The following CACNA1I variants were observed in gnomAD, a reference collection of about 807,000 sequenced individuals.
CACNA1I encodes calcium voltage-gated channel subunit alpha1 I, also known as voltage-dependent T-type calcium channel subunit alpha-1I.
CACNA1I carries 74 observed loss-of-function variants against 201.6 expected under a neutral mutation model. The ratio of observed to expected loss-of-function variants is 0.37; its 90% CI spans 0.30 to 0.45. The LOEUF (loss-of-function observed/expected upper bound fraction) is 0.45. CACNA1I is among the 20% of genes least tolerant of loss of function. The pLI is 1.00. For synonymous variants in CACNA1I, 1,431 were observed against 1,345.2 expected, an observed-to-expected ratio of 1.06 and a Z score of -1.40; for missense variants, 2,346 against 3,138.1, an observed-to-expected ratio of 0.75 and a Z score of 6.03.
intron 3 of CACNA1I, among the ~76,000 whole-genome samples, chr22:39,611,768 T>A (rs559927137): frequency 1.5e-4 from 23 of 152,240 alleles, no homozygotes; most frequent in African/African-American, 5.3e-4. Flanking sequence ...AGAGAGAAGG[T>A]CCAGGTCTTC....
chr22:39,599,442 A>C (rs1932971988), intron 2 of CACNA1I, among the ~76,000 whole-genome samples: 1 of 136,968 alleles, frequency 7.3e-6, no homozygotes, highest in African/African-American at 2.7e-5. Context: ...AAATGGTGAA[A>C]CCCCGTCTCT....
intron 3 of CACNA1I, among the ~76,000 whole-genome samples, chr22:39,603,110 C>T (rs1200550429): frequency 1.3e-5 from 2 of 149,926 alleles, no homozygotes; most frequent in Admixed American, 6.7e-5. Flanking sequence ...GAGCAGTGAT[C>T]GTGCCATTGC....
intron 1 of CACNA1I, among the ~76,000 whole-genome samples, chr22:39,595,315 A>T: frequency 6.6e-6 from 1 of 151,000 alleles, no homozygotes; most frequent in East Asian, 2.0e-4. Context: ...AAACAAAAAT[A>T]AAAAATAAAA....
chr22:39,630,380 C>T (rs1453668859), intron 4 of CACNA1I, among the ~76,000 whole-genome samples: 6 of 152,234 alleles, frequency 3.9e-5, no homozygotes, highest in Admixed American at 6.5e-5. Context: ...GTGAGCCTCA[C>T]GAGGACAGGG....
intron 3 of CACNA1I, among the ~76,000 whole-genome samples, chr22:39,604,916 C>T (rs1275535055): frequency 6.6e-6 from 1 of 152,116 alleles, no homozygotes; most frequent in Non-Finnish European, 1.5e-5. Flanking sequence ...CACTGCCCAG[C>T]TATGTGCTGG....
At chr22:39,628,214 G>A (rs984346404) in intron 4 of CACNA1I, among the ~76,000 whole-genome samples, 2 of 152,214 alleles carry the variant, frequency 1.3e-5, no homozygotes, top group Non-Finnish European at 2.9e-5. Context: ...TTCATCCAAA[G>A]TAAAATCCAC....
rs1383407823 is a variant in CACNA1I, at chr22:39,670,188, C to T, written c.4345C>T (p.Arg1449Cys). Residue 1449 changes from arginine to cysteine, a missense_variant, in exon 25 of 37, where the codon CGT becomes TGT. Transcript: ENST00000402142. ...QHQEAEEARR[R>C]EEKRLRRLEK... ...CCAGGAGGCTGAAGAGGCACGGCGG[C>T]GTGAGGAGAAGCGGCTGCGGCGCCT... is the stretch of plus-strand genomic sequence containing the variant. 10 of 1,613,776 alleles carry T rather than the reference C, an allele frequency of 6.2e-6. No individual in the cohort carries two copies. The highest frequency in any genetic ancestry group is 1.7e-5 in the Admixed American group (1 of 60,004).
In CACNA1I at chr22:39,665,022, A is replaced by T. The variant is rs1188337617; in HGVS notation, c.3851+99A>T. ...CTCACTCCGCCCTCCCCGCCCGCCC[A>T]CTCGGTCCTCCAATAGTGAGTGCCA... On this transcript the variant is annotated intron_variant, in intron 21 of 36. Transcript: ENST00000402142. The surrounding 1 kb of genome is among the most constrained non-coding windows in gnomAD (Gnocchi z 5.5). The T allele has an allele frequency of 1.8e-5, 20 of 1,084,782 alleles. No individual in the cohort carries two copies. The highest frequency in any genetic ancestry group is 2.6e-5 in the Non-Finnish European group (20 of 762,850). 67.2% of individuals were successfully genotyped at this position (1,084,782 alleles called of 1,614,324 possible).
chr22:39,595,716 T>A (rs1932874718), intron 1 of CACNA1I, among the ~76,000 whole-genome samples: 1 of 152,150 alleles, frequency 6.6e-6, no homozygotes, highest in African/African-American at 2.4e-5. Flanking sequence ...TCAGAATCTC[T>A]TATTGTACCG....
chr22:39,633,838 C>T (rs1387886199), intron 4 of CACNA1I, among the ~76,000 whole-genome samples: 1 of 152,208 alleles, frequency 6.6e-6, no homozygotes, highest in Admixed American at 6.5e-5. Context: ...TCTGTAGAGC[C>T]CGTTAGCAGG....
rs1297696701 is a variant in CACNA1I, at chr22:39,629,950, C to T, written c.581-4615C>T. ...TCACGTCTCCCTTCTGCTCCATGAC[C>T]CTTTGGAGAAGCTCAAGTCTTCCAG... On this transcript the variant is annotated intron_variant, in intron 4 of 36. Transcript: ENST00000402142. This position sits in a 1 kb window ranked among gnomAD's most constrained non-coding sequence, Gnocchi z 4.8. 6.6e-6 allele frequency among the ~76,000 whole-genome samples: 1 copy of T among 152,172 alleles called. No homozygotes were observed. The highest frequency in any genetic ancestry group is 1.5e-5 in the Non-Finnish European group (1 of 68,028).
At chr22:39,618,307 GATT>G (rs1933617965) in intron 3 of CACNA1I, among the ~76,000 whole-genome samples, 1 of 151,538 alleles carries the variant, frequency 6.6e-6, no homozygotes, top group African/African-American at 2.4e-5. Context: ...GCAGGTGTGT[GATT>G]ATGTGCGTGT....
intron 20 of CACNA1I, among the ~76,000 whole-genome samples, chr22:39,664,430 G>A (rs1935118284): frequency 6.6e-6 from 1 of 152,142 alleles, no homozygotes; most frequent in African/African-American, 2.4e-5. Context: ...GAGGTGTGGG[G>A]CGCAGGGGAA....
At chr22:39,641,638 A>T (rs904243529) in intron 6 of CACNA1I, among the ~76,000 whole-genome samples, 1 of 152,240 alleles carries the variant, frequency 6.6e-6, no homozygotes, top group Admixed American at 6.5e-5. Context: ...CAAGTAGCTC[A>T]TCTGGAGTCA....
chr22:39,604,427 C>T (rs1017319780), intron 3 of CACNA1I, among the ~76,000 whole-genome samples: 3 of 152,000 alleles, frequency 2.0e-5, no homozygotes, highest in Non-Finnish European at 2.9e-5. Context: ...GGCTGACATG[C>T]GATGTGTGCG....
Position 39,686,627 on chromosome 22 carries a change from CATATATATATATATAT to C in CACNA1I, c.*233_*248del, listed in dbSNP as rs72041195. Reference sequence around the variant, plus strand: ...ATACATACATATATATATATATATGCATATATATATATATATATATATATATGTGTATACACACACA... The same window carrying C: ...ATACATACATATATATATATATATGCATATATATATGTGTATACACACACA... On this transcript the variant is annotated 3_prime_UTR_variant, in exon 37 of 37. Transcript: ENST00000402142. 3.9e-5 allele frequency: 5 copies of C among 127,104 alleles called. 2 individuals are homozygous for C. Among genetic ancestry groups the C allele is most frequent in the Admixed American group, 1.6e-4 (2 of 12,136 alleles). 7.9% of individuals were successfully genotyped at this position (127,104 alleles called of 1,614,324 possible). A position where few individuals can be genotyped will look rare whatever the true frequency, so the allele number is the denominator to read the frequency against.
In CACNA1I at chr22:39,684,571, C is replaced by A; in HGVS notation, c.6027+73C>A. ...CAGGATCTAAGCCAGGCCTGGAAGT[C>A]CAAGGGACTGGGAGGGGAAGGACCC... is the stretch of plus-strand genomic sequence containing the variant. On this transcript the variant is annotated intron_variant, in intron 36 of 36. Transcript: ENST00000402142. The surrounding 1 kb of genome is among the most constrained non-coding windows in gnomAD (Gnocchi z 4.6). The A allele has an allele frequency of 6.6e-7, 1 of 1,508,302 alleles. No individual in the cohort carries two copies. The highest frequency in any genetic ancestry group is 1.2e-5 in the South Asian group (1 of 84,250). The allele number at this position is 1,508,302 out of a possible 1,614,324, so 93.4% of individuals were successfully genotyped here.
intron 31 of CACNA1I, among the ~76,000 whole-genome samples, chr22:39,678,758 T>C (rs1024570598): frequency 6.6e-6 from 1 of 152,154 alleles, no homozygotes; most frequent in African/African-American, 2.4e-5. Flanking sequence ...AGGGAGGCCC[T>C]GGTCACGAAT....
rs1019863507 is a variant in CACNA1I at position 39,677,839 on chromosome 22, G to A, written c.4934-148G>A. 20 of 856,322 alleles carry A rather than the reference G, an allele frequency of 2.3e-5. No homozygotes were observed. The highest frequency in any genetic ancestry group is 2.2e-4 in the South Asian group (12 of 54,000). The allele number at this position is 856,322 out of a possible 1,614,324, so 53.0% of individuals were successfully genotyped here. On this transcript the variant is annotated intron_variant, in intron 30 of 36. Transcript: ENST00000402142. The surrounding 1 kb of genome is among the most constrained non-coding windows in gnomAD (Gnocchi z 4.8). ...CCCAGCTCATGTGCCATCTCCCCGA[G>A]CCTCAGTTTATCTGTGGGCTGGGCA...
Sources: gnomAD v4.1 joint callset for allele counts (sites outside exome capture counted in the v4.1 genomes callset) on GRCh38, gnomAD v4.1.1 for gene constraint, Gnocchi (gnomAD v3.1) non-coding constraint, MANE v1.5 for transcripts, NCBI Gene and HGNC (gene_info 2026-07-23, HGNC 2026-07-21) for gene names.